The following ERBB4 variants were observed in gnomAD, a reference collection of about 807,000 sequenced individuals.
ERBB4 encodes erb-b2 receptor tyrosine kinase 4.
ERBB4 carries 42 observed loss-of-function variants against 158.0 expected under a neutral mutation model. That is an observed-to-expected ratio of 0.27 (90% CI 0.21 to 0.34). The LOEUF is 0.34. ERBB4 is among the 10% of genes least tolerant of loss of function. The probability of loss-of-function intolerance (pLI) is 1.00; values close to 1 mark genes in which losing one functional copy is unlikely to be tolerated. For missense variants in ERBB4, 1,333 were observed against 1,624.1 expected (o/e 0.82, Z 3.08); for synonymous variants, 583 against 558.7 (o/e 1.04, Z -0.61).
At chr2:211,934,337 T>C (rs1224826240) in intron 3 of ERBB4, among the ~76,000 whole-genome samples, 2 of 152,002 alleles carry the variant, frequency 1.3e-5, no homozygotes, top group Admixed American at 1.3e-4. Flanking sequence ...TTTATACCAG[T>C]TGCCAACTAG....
chr2:212,091,864 A>T (rs2078788774), intron 2 of ERBB4, among the ~76,000 whole-genome samples: 1 of 152,178 alleles, frequency 6.6e-6, no homozygotes, highest in African/African-American at 2.4e-5. Context: ...AAAGTTTATA[A>T]GGCAAAGCAA....
At chr2:211,641,065 C>A (rs912265145) in intron 16 of ERBB4, among the ~76,000 whole-genome samples, 4 of 152,068 alleles carry the variant, frequency 2.6e-5, no homozygotes, top group African/African-American at 9.7e-5. Context: ...AATTTCTTTA[C>A]ATATTTGTTA....
chr2:212,022,568 G>A (rs992069107), intron 2 of ERBB4, among the ~76,000 whole-genome samples: 7 of 152,110 alleles, frequency 4.6e-5, no homozygotes, highest in African/African-American at 1.7e-4. Flanking sequence ...AGGAAAAAGA[G>A]CTAATGTATG....
At chr2:211,642,579 T>TTCAG (rs2070637350) in intron 16 of ERBB4, among the ~76,000 whole-genome samples, 1 of 152,142 alleles carries the variant, frequency 6.6e-6, no homozygotes, top group African/African-American at 2.4e-5. Flanking sequence ...AGATTAAAGG[T>TTCAG]AAAATAAAAG....
chr2:211,929,825 T>C (rs1264638231), intron 3 of ERBB4, among the ~76,000 whole-genome samples: 1 of 152,170 alleles, frequency 6.6e-6, no homozygotes, highest in African/African-American at 2.4e-5. Flanking sequence ...TGTGTATGTG[T>C]CTATACATAT....
At chr2:211,883,214 G>A (rs914074086) in intron 3 of ERBB4, among the ~76,000 whole-genome samples, 14 of 151,938 alleles carry the variant, frequency 9.2e-5, no homozygotes, top group Non-Finnish European at 1.6e-4. Flanking sequence ...ACCAAACACC[G>A]CGTGTTCTCA....
intron 1 of ERBB4, among the ~76,000 whole-genome samples, chr2:212,430,633 G>T (rs537208828): frequency 6.6e-6 from 1 of 151,740 alleles, no homozygotes; most frequent in Non-Finnish European, 1.5e-5. Flanking sequence ...GTAGAGATGG[G>T]GTTTCACCAT....
chr2:212,476,838 C>T (rs1689429367), intron 1 of ERBB4, among the ~76,000 whole-genome samples: 1 of 152,090 alleles, frequency 6.6e-6, no homozygotes, highest in African/African-American at 2.4e-5. Flanking sequence ...GCCACTTGAG[C>T]ATACAATAAC....
At chr2:212,380,690 G>A (rs1220011971) in intron 1 of ERBB4, among the ~76,000 whole-genome samples, 4 of 149,780 alleles carry the variant, frequency 2.7e-5, no homozygotes, top group East Asian at 1.9e-4. Context: ...ATTTTCTCAC[G>A]AGAATTTAGG....
intron 19 of ERBB4, among the ~76,000 whole-genome samples, chr2:211,571,038 C>CCTCTTTTTTTTTTTTTTTTTT (rs1437512949): frequency 8.5e-5 from 5 of 58,762 alleles, no homozygotes; most frequent in African/African-American, 3.8e-4. Flanking sequence ...GAGTACTCTT[C>CCTCTTTTTTTTTTTTTTTTTT]TTCTTTTTTT....
At chr2:211,638,091 G>A (rs891523414) in intron 16 of ERBB4, among the ~76,000 whole-genome samples, 12 of 151,830 alleles carry the variant, frequency 7.9e-5, no homozygotes, top group Non-Finnish European at 1.5e-4. Context: ...TGGGTGTAAA[G>A]TTTATAAGTG....
At chr2:211,954,779 C>G (rs1029161271) in intron 2 of ERBB4, among the ~76,000 whole-genome samples, 1 of 151,988 alleles carries the variant, frequency 6.6e-6, no homozygotes, top group Non-Finnish European at 1.5e-5. Flanking sequence ...ATTAAATTTC[C>G]CTAGGCAATT....
intron 3 of ERBB4, among the ~76,000 whole-genome samples, chr2:211,914,269 A>T (rs889023168): frequency 6.7e-5 from 9 of 134,614 alleles, no homozygotes; most frequent in African/African-American, 1.2e-4. Flanking sequence ...TTTTTTTTTC[A>T]AACAAACATC....
At chr2:212,167,461 G>A (rs7582595) in intron 1 of ERBB4, among the ~76,000 whole-genome samples, 92,635 of 151,904 alleles carry the variant, frequency 0.61, 29,376 homozygotes, top group African/African-American at 0.68. Context: ...GAGGTTGTGG[G>A]GAAATAGGAA....
intron 2 of ERBB4, among the ~76,000 whole-genome samples, chr2:212,058,577 A>G (rs2077656500): frequency 6.6e-6 from 1 of 152,212 alleles, no homozygotes; most frequent in African/African-American, 2.4e-5. Context: ...CAGCACATCA[A>G]AAAGCTTATC....
chr2:212,460,706 AC>A (rs1688528030), intron 1 of ERBB4, among the ~76,000 whole-genome samples: 1 of 152,230 alleles, frequency 6.6e-6, no homozygotes, highest in South Asian at 2.1e-4. Context: ...AGAAGAGCAT[AC>A]AATTTCAGAA....
At chr2:212,072,940 AAACAAC>A (rs143177646) in intron 2 of ERBB4, among the ~76,000 whole-genome samples, 1 of 151,650 alleles carries the variant, frequency 6.6e-6, no homozygotes, top group African/African-American at 2.4e-5. Flanking sequence ...AGCACACATC[AAACAAC>A]AACAACAACA....
At chr2:211,694,865 A>C (rs1444764759) in intron 12 of ERBB4, among the ~76,000 whole-genome samples, 1 of 152,182 alleles carries the variant, frequency 6.6e-6, no homozygotes, top group African/African-American at 2.4e-5. Context: ...GGAGTGCACA[A>C]ATTAAAGGTG....
chr2:212,502,411 G>A (rs543194036), intron 1 of ERBB4, among the ~76,000 whole-genome samples: 1 of 152,200 alleles, frequency 6.6e-6, no homozygotes, highest in African/African-American at 2.4e-5. Flanking sequence ...CTGTGAGGTA[G>A]GTATTATTTT....
Sources: gnomAD v4.1 joint callset for allele counts (sites outside exome capture counted in the v4.1 genomes callset) on GRCh38, gnomAD v4.1.1 for gene constraint, MANE v1.5 for transcripts, NCBI Gene and HGNC (gene_info 2026-07-23, HGNC 2026-07-21) for gene names.